Variants in PCDH15 observed in about 807,000 individuals in gnomAD.
PCDH15 encodes protocadherin related 15, also known as protocadherin-15.
Under a neutral mutation model 178.5 loss-of-function variants are expected in PCDH15, and 129 were observed. The observed-to-expected ratio is 0.72, with a 90% CI of 0.63 to 0.84. PCDH15 has a LOEUF of 0.84. Among genes scored for constraint, PCDH15 ranks in the 40% least tolerant of loss-of-function variants. PCDH15 has a pLI of 0.00. For missense variants in PCDH15, 2,230 were observed against 2,099.9 expected, an observed-to-expected ratio of 1.06 and a Z score of -1.21; for synonymous variants, 800 against 732.0, an observed-to-expected ratio of 1.09 and a Z score of -1.50.
At chr10:55,267,879 T>C (rs1283541102) in intron 1 of PCDH15, among the ~76,000 whole-genome samples, 1 of 152,132 alleles carries the variant, frequency 6.6e-6, no homozygotes, top group African/African-American at 2.4e-5. Context: ...TAAAAATATA[T>C]TGGTGTCCCA....
intron 1 of PCDH15, among the ~76,000 whole-genome samples, chr10:55,242,236 A>G (rs557813960): frequency 2.8e-4 from 42 of 152,240 alleles, no homozygotes; most frequent in African/African-American, 9.6e-4. Context: ...CTGCAAGCAT[A>G]TATCAGCTTG....
At chr10:54,623,188 T>C (rs1394518942) in intron 2 of PCDH15, among the ~76,000 whole-genome samples, 1 of 152,048 alleles carries the variant, frequency 6.6e-6, no homozygotes, top group African/African-American at 2.4e-5. Flanking sequence ...CTTACAGCCT[T>C]ACTCATCAAA....
intron 1 of PCDH15, among the ~76,000 whole-genome samples, chr10:54,666,340 C>T (rs773780202): frequency 6.6e-6 from 1 of 152,056 alleles, no homozygotes; most frequent in Admixed American, 6.6e-5. Context: ...AGGTTATAAA[C>T]TGGTGAGTGT....
chr10:55,341,795 ATATATATATATTTTTTTTTTTTTTTT>A (rs1844590594), intron 2 of PCDH15, among the ~76,000 whole-genome samples: 1 of 11,276 alleles, frequency 8.9e-5, no homozygotes, highest in African/African-American at 4.3e-4. Context: ...ATATATATAT[ATATATATATATTTTTTTTTTTTTTTT>A]TTTTTTTTTT....
chr10:53,911,798 A>T (rs1451776401), intron 25 of PCDH15, among the ~76,000 whole-genome samples: 1 of 152,204 alleles, frequency 6.6e-6, no homozygotes, highest in Non-Finnish European at 1.5e-5. Context: ...TGAGGCAATA[A>T]TTAATAGCCT....
intron 1 of PCDH15, among the ~76,000 whole-genome samples, chr10:55,210,868 C>A (rs1225266950): frequency 6.6e-6 from 1 of 151,620 alleles, no homozygotes; most frequent in African/African-American, 2.4e-5. Context: ...CCTCGTGATA[C>A]GCCCGCCTCG....
intron 2 of PCDH15, among the ~76,000 whole-genome samples, chr10:55,140,753 T>C (rs867737474): frequency 1.3e-5 from 2 of 151,994 alleles, no homozygotes; most frequent in African/African-American, 4.8e-5. Flanking sequence ...GTGGGGGATA[T>C]TTTTACTGAT....
At chr10:54,798,497 T>C (rs994374503) in intron 1 of PCDH15, among the ~76,000 whole-genome samples, 5 of 152,118 alleles carry the variant, frequency 3.3e-5, no homozygotes, top group Non-Finnish European at 7.4e-5. Flanking sequence ...AGTCTTATTT[T>C]GCATGTGAAA....
At chr10:54,707,898 A>G (rs551301980) in intron 1 of PCDH15, among the ~76,000 whole-genome samples, 35 of 152,330 alleles carry the variant, frequency 2.3e-4, no homozygotes, top group African/African-American at 8.4e-4. Context: ...ATAAACTCAG[A>G]GCAGGACTGC....
At chr10:55,001,299 G>T (rs944295411) in intron 2 of PCDH15, among the ~76,000 whole-genome samples, 1 of 152,172 alleles carries the variant, frequency 6.6e-6, no homozygotes, top group African/African-American at 2.4e-5. Flanking sequence ...CCGGATGCGG[G>T]ACAAGAACCT....
chr10:53,939,525 A>G (rs2085864619), intron 24 of PCDH15, among the ~76,000 whole-genome samples: 2 of 152,028 alleles, frequency 1.3e-5, no homozygotes, highest in African/African-American at 4.8e-5. Context: ...TAAACTTTAT[A>G]ATATCTCCCC....
chr10:55,259,831 GGC>G (rs528188731), intron 1 of PCDH15, among the ~76,000 whole-genome samples: 365 of 137,334 alleles, frequency 2.7e-3, no homozygotes, highest in Non-Finnish European at 3.9e-3. Flanking sequence ...GAACCTGGGA[GGC>G]AGAGGTTGAG....
chr10:54,367,711 A>T (rs975749690), intron 5 of PCDH15, among the ~76,000 whole-genome samples: 21 of 151,812 alleles, frequency 1.4e-4, no homozygotes, highest in African/African-American at 5.1e-4. Context: ...AATGTAGATG[A>T]TGGGTTGATG....
At chr10:55,075,155 A>AT (rs900296568) in intron 2 of PCDH15, among the ~76,000 whole-genome samples, 27 of 151,452 alleles carry the variant, frequency 1.8e-4, no homozygotes, top group African/African-American at 6.3e-4. Flanking sequence ...CAGGTTTTCT[A>AT]TTTTTTCTTT....
At chr10:54,193,007 A>G (rs930659230) in intron 11 of PCDH15, among the ~76,000 whole-genome samples, 1 of 152,220 alleles carries the variant, frequency 6.6e-6, no homozygotes, top group African/African-American at 2.4e-5. Flanking sequence ...ATTACATGAC[A>G]GAACCAGGAG....
At chr10:54,534,189 T>G (rs992979575) in intron 2 of PCDH15, among the ~76,000 whole-genome samples, 1 of 152,178 alleles carries the variant, frequency 6.6e-6, no homozygotes, top group African/African-American at 2.4e-5. Context: ...TCTATTTTTT[T>G]CCTTTCATGC....
rs183025610 is a variant in PCDH15 at position 54,516,074 on chromosome 10, C to G, written c.157+11738G>C. 4.5e-3 allele frequency among the ~76,000 whole-genome samples: 678 copies of G among 152,278 alleles called. 7 individuals carry two copies. The highest frequency in any genetic ancestry group is 0.015 in the African/African-American group (626 of 41,566). On this transcript the variant is annotated intron_variant, in intron 3 of 37. Transcript: ENST00000644397. ...AAACAGAGCAGAAAAACTGGAAACT[C>G]TAAAAAGCAGAGCGCCTCTCCTCCT...
At chr10:54,373,926 A>T (rs1948048503) in intron 4 of PCDH15, among the ~76,000 whole-genome samples, 1 of 152,052 alleles carries the variant, frequency 6.6e-6, no homozygotes, top group South Asian at 2.1e-4. Context: ...GTAAGAAAAA[A>T]TTGGATATGG....
intron 26 of PCDH15, among the ~76,000 whole-genome samples, chr10:53,899,054 A>G (rs186112387): frequency 6.8e-4 from 103 of 151,844 alleles, no homozygotes; most frequent in African/African-American, 2.5e-3. Flanking sequence ...TCCACTCACT[A>G]TAGTATAAAC....
Sources: allele counts gnomAD v4.1 joint callset (sites outside exome capture counted in the v4.1 genomes callset), GRCh38; gene constraint gnomAD v4.1.1; transcripts MANE v1.5; gene names NCBI Gene and HGNC (gene_info 2026-07-23, HGNC 2026-07-21).